TFEC: variants seen among roughly 807,000 people sequenced by gnomAD.
TFEC encodes the protein class E basic helix-loop-helix protein 34.
Under a neutral mutation model 41.6 loss-of-function variants are expected in TFEC, and 31 were observed. That is an observed-to-expected ratio of 0.74 (90% CI 0.56 to 1.01). The LOEUF is 1.01. TFEC is among the 50% of genes least tolerant of loss of function. The probability of loss-of-function intolerance (pLI) is 0.00; values close to 1 mark genes in which losing one functional copy is unlikely to be tolerated. For missense variants in TFEC, 402 were observed against 404.1 expected, an observed-to-expected ratio of 0.99 and a Z score of 0.04; for synonymous variants, 143 against 140.6, an observed-to-expected ratio of 1.02 and a Z score of -0.12.
At chr7:116,120,062 C>T (rs886543105) in intron 1 of TFEC, 36 of 151,290 alleles carry the variant, frequency 2.4e-4, no homozygotes, top group African/African-American at 8.7e-4. Context: ...AAAATATATT[C>T]GGTAAGATAA....
intron 3 of TFEC, among the ~76,000 whole-genome samples, chr7:115,968,729 T>C (rs903105483): frequency 6.6e-6 from 1 of 151,844 alleles, no homozygotes; most frequent in African/African-American, 2.4e-5. Context: ...TTCTATGCAA[T>C]GGCTACTTCC....
intron 1 of TFEC, among the ~76,000 whole-genome samples, chr7:116,129,586 C>CTTTTTTTTT (rs932837265): frequency 3.7e-5 from 4 of 106,898 alleles, no homozygotes; most frequent in African/African-American, 4.0e-5. Context: ...AATATTCTTA[C>CTTTTTTTTT]TTTTTTTTTT....
Position 116,025,370 on chromosome 7 carries a change from G to A in TFEC, c.-73+5263C>T, listed in dbSNP as rs117842624. 6.5e-3 allele frequency among the ~76,000 whole-genome samples: 989 copies of A among 152,178 alleles called. 4 individuals carry two copies. Among genetic ancestry groups the A allele is most frequent in the Non-Finnish European group, 9.9e-3 (671 of 68,000 alleles). ...GGATGAAGGGCCTCAAAGGAAAAAG[G>A]AGAGAGGTCCTTCCTTTGCACTCTG... On this transcript the variant is annotated intron_variant, in intron 1 of 7. Coordinates refer to ENST00000265440, the MANE Select transcript of TFEC (RefSeq NM_012252.4).
At chr7:115,985,637 G>T (rs552669100) in intron 1 of TFEC, among the ~76,000 whole-genome samples, 1 of 152,064 alleles carries the variant, frequency 6.6e-6, no homozygotes, top group South Asian at 2.1e-4. Context: ...TATTGTAGTA[G>T]TTACTTTAGT....
intron 3 of TFEC, among the ~76,000 whole-genome samples, chr7:116,053,896 T>C (rs1293623804): frequency 1.3e-5 from 2 of 152,238 alleles, no homozygotes; most frequent in Non-Finnish European, 2.9e-5. Flanking sequence ...AAATGCATAC[T>C]GTGTACCAGA....
chr7:116,133,314 C>A lies in TFEC; in HGVS notation c.-68-21276G>T, dbSNP rs183703230. ...CCTGTAATCCCAGCACTTTGGGGGG[C>A]CAAGGCAGGCAGATGACTTGAGGCC... On this transcript the variant is annotated intron_variant, in intron 1 of 8. Transcript: ENST00000484212. 6.0e-4 allele frequency among the ~76,000 whole-genome samples: 91 copies of A among 152,242 alleles called. 1 individual carries two copies. The highest frequency in any genetic ancestry group is 5.9e-3 in the Admixed American group (90 of 15,296).
intron 3 of TFEC, among the ~76,000 whole-genome samples, chr7:116,066,154 T>C (rs370885178): frequency 6.6e-6 from 1 of 152,160 alleles, no homozygotes. Flanking sequence ...ATTGAGGAGA[T>C]GAATTCACCC....
At chr7:116,148,492 G>A (rs1474704247) in intron 1 of TFEC, among the ~76,000 whole-genome samples, 1 of 152,186 alleles carries the variant, frequency 6.6e-6, no homozygotes, top group African/African-American at 2.4e-5. Context: ...GGGAACAGAA[G>A]CAGGAACAGA....
intron 3 of TFEC, among the ~76,000 whole-genome samples, chr7:115,967,254 A>G (rs377301169): frequency 5.9e-5 from 9 of 151,714 alleles, no homozygotes; most frequent in African/African-American, 1.7e-4. Context: ...TATATTTAAT[A>G]TGAGTGTCAA....
At chr7:116,068,463 T>G (rs909365665) in intron 3 of TFEC, among the ~76,000 whole-genome samples, 5 of 151,722 alleles carry the variant, frequency 3.3e-5, no homozygotes, top group African/African-American at 9.7e-5. Flanking sequence ...CTGGGAAATA[T>G]AAAGCTATAT....
chr7:116,100,747 A>T (rs1797585465), intron 3 of TFEC, among the ~76,000 whole-genome samples: 1 of 152,074 alleles, frequency 6.6e-6, no homozygotes, highest in African/African-American at 2.4e-5. Flanking sequence ...TACAGAACAG[A>T]TGTCACTTAC....
chr7:116,039,128 A>AC (rs5886806), intron 3 of TFEC, among the ~76,000 whole-genome samples: 88,979 of 151,878 alleles, frequency 0.59, 26,221 homozygotes, highest in East Asian at 0.75. Flanking sequence ...AGAATATGTT[A>AC]TAGGACAAAT....
chr7:116,058,354 AAC>A (rs1381940710), intron 3 of TFEC, among the ~76,000 whole-genome samples: 3 of 150,708 alleles, frequency 2.0e-5, no homozygotes, highest in African/African-American at 7.3e-5. Flanking sequence ...TGAACCTAAT[AAC>A]AGAGTTTCAA....
At chr7:116,130,256 CACTAGCTAG>C (rs1319218803) in intron 1 of TFEC, among the ~76,000 whole-genome samples, 1 of 152,186 alleles carries the variant, frequency 6.6e-6, no homozygotes, top group Non-Finnish European at 1.5e-5. Flanking sequence ...CTTATCCATT[CACTAGCTAG>C]ACTATGAATT....
intron 3 of TFEC, among the ~76,000 whole-genome samples, chr7:116,096,276 A>G (rs1385631596): frequency 1.3e-5 from 2 of 152,122 alleles, no homozygotes; most frequent in Non-Finnish European, 2.9e-5. Flanking sequence ...TGGTTTCTTT[A>G]TAAAATCTCT....
At chr7:116,095,640 T>C (rs1797434852) in intron 3 of TFEC, among the ~76,000 whole-genome samples, 1 of 152,204 alleles carries the variant, frequency 6.6e-6, no homozygotes, top group Non-Finnish European at 1.5e-5. Flanking sequence ...CTCATTAATA[T>C]GTTGTAATCT....
intron 3 of TFEC, among the ~76,000 whole-genome samples, chr7:116,097,098 AAAG>A (rs780084486): frequency 2.1e-4 from 23 of 109,300 alleles, no homozygotes; most frequent in South Asian, 9.6e-4. Context: ...CAAAAAAAAA[AAAG>A]AAAGAAAGAA....
At chr7:116,099,657 C>T (rs1242557867) in intron 3 of TFEC, among the ~76,000 whole-genome samples, 1 of 152,152 alleles carries the variant, frequency 6.6e-6, no homozygotes, top group Non-Finnish European at 1.5e-5. Flanking sequence ...CTTAAAATAT[C>T]AATCTCCAGG....
At chr7:116,062,047 A>G (rs967655335) in intron 3 of TFEC, among the ~76,000 whole-genome samples, 2 of 150,188 alleles carry the variant, frequency 1.3e-5, no homozygotes, top group Admixed American at 1.3e-4. Context: ...CCTAGTCCCC[A>G]AAGTCTACTG....
Sources: allele counts gnomAD v4.1 joint callset (sites outside exome capture counted in the v4.1 genomes callset), GRCh38; gene constraint gnomAD v4.1.1; transcripts MANE v1.5; gene names NCBI Gene and HGNC (gene_info 2026-07-23, HGNC 2026-07-21).